Variants in NEBL observed in about 807,000 individuals in gnomAD.
NEBL encodes the protein LIM and SH3 protein 2.
NEBL carries 122 observed loss-of-function variants against 140.2 expected under a neutral mutation model. The observed-to-expected ratio is 0.87, with a 90% confidence interval of 0.75 to 1.01. NEBL has a LOEUF of 1.01. NEBL is among the 50% of genes least tolerant of loss of function. The pLI, the probability that NEBL is intolerant of heterozygous loss-of-function variation, is 0.00. For synonymous variants in NEBL, 436 were observed against 398.9 expected (o/e 1.09, Z -1.11); for missense variants, 1,365 against 1,231.3 (o/e 1.11, Z -1.62).
chr10:21,001,022 T>A (rs1421188964), intron 3 of NEBL, among the ~76,000 whole-genome samples: 1 of 152,104 alleles, frequency 6.6e-6, no homozygotes, highest in Non-Finnish European at 1.5e-5. Context: ...GCACACCCAA[T>A]CATCTGCAGT....
chr10:21,113,965 G>T (rs1838164488), intron 2 of NEBL, among the ~76,000 whole-genome samples: 1 of 151,702 alleles, frequency 6.6e-6, no homozygotes, highest in South Asian at 2.1e-4. Flanking sequence ...GCTTTAACTT[G>T]CTCTTCTTTT....
chr10:20,894,615 A>G (rs2131395597), intron 2 of NEBL, among the ~76,000 whole-genome samples: 1 of 152,246 alleles, frequency 6.6e-6, no homozygotes, highest in East Asian at 1.9e-4. Context: ...GTATACAGAT[A>G]TAAATTAAGC....
chr10:20,826,592 T>A, intron 17 of NEBL, 53 bp from the exon 18 acceptor site: 1 of 1,337,030 alleles, frequency 7.5e-7, no homozygotes. Context: ...ATTCAAGTCC[T>A]AGATCCGCTT....
At chr10:20,937,073 C>T (rs893547697) in intron 4 of NEBL, among the ~76,000 whole-genome samples, 1 of 152,214 alleles carries the variant, frequency 6.6e-6, no homozygotes, top group African/African-American at 2.4e-5. Flanking sequence ...CTGCCAAGTG[C>T]AGCCCAATGA....
chr10:21,259,910 C>A lies in NEBL; in HGVS notation n.183-8082G>T, dbSNP rs559333944. ...TGTTTGAGTGGCGGAGGAAGCATGT[C>A]ACCCTGAAGGCAGTTGGCAGCCACT... On this transcript the variant is annotated intron_variant and non_coding_transcript_variant, in intron 1 of 8. Transcript: ENST00000675702. Among the ~76,000 whole-genome samples, 6 of 152,302 alleles carry A rather than the reference C, an allele frequency of 3.9e-5. 1 individual carries two copies. The East Asian group carries it at 1.2e-3, about 29-fold the overall frequency.
At chr10:20,927,473 G>C (rs1345320929) in intron 4 of NEBL, among the ~76,000 whole-genome samples, 2 of 152,180 alleles carry the variant, frequency 1.3e-5, no homozygotes, top group Non-Finnish European at 2.9e-5. Context: ...AGAGTTGACT[G>C]TTAGCCTATG....
At position 21,112,599 on chromosome 10, in the gene NEBL, G is replaced by A. The variant is rs548265507; in HGVS notation, c.164+59784C>T. Among the ~76,000 whole-genome samples the A allele has an allele frequency of 2.5e-3, 348 of 139,462 alleles. 3 individuals carry two copies. The highest frequency in any genetic ancestry group is 7.0e-3 in the Middle Eastern group (2 of 284). The allele number at this position is 139,462 out of a possible 152,430, so 91.5% of individuals were successfully genotyped here. On this transcript the variant is annotated intron_variant, in intron 2 of 6. Coordinates refer to the NEBL transcript ENST00000417816. ...CACTGGGGCCTGTCGGGGGGTGGGG[G>A]ACTGGGGGAGGGATAGCATTAGGAA...
intron 13 of NEBL, among the ~76,000 whole-genome samples, chr10:20,839,726 C>A (rs978668073): frequency 1.3e-4 from 20 of 152,228 alleles, no homozygotes; most frequent in Admixed American, 2.6e-4. Context: ...TCTACTCCCC[C>A]AATCCCAGAC....
intron 4 of NEBL, among the ~76,000 whole-genome samples, chr10:20,944,666 G>T (rs1835069215): frequency 6.6e-6 from 1 of 152,198 alleles, no homozygotes; most frequent in African/African-American, 2.4e-5. Flanking sequence ...TTGTATCACA[G>T]TTGGAGCGTG....
At chr10:21,009,663 C>T (rs1250950382) in intron 3 of NEBL, among the ~76,000 whole-genome samples, 1 of 152,256 alleles carries the variant, frequency 6.6e-6, no homozygotes, top group African/African-American at 2.4e-5. Flanking sequence ...GAATACAATA[C>T]AATTGTCCCA....
chr10:21,125,990 G>A, intron 2 of NEBL: 1 of 1,614,180 alleles, frequency 6.2e-7, no homozygotes, highest in Non-Finnish European at 8.5e-7. Context: ...TGGATGGGCG[G>A]CTTGTAGAGA....
At chr10:21,093,727 T>G (rs1837031642) in intron 2 of NEBL, among the ~76,000 whole-genome samples, 1 of 152,230 alleles carries the variant, frequency 6.6e-6, no homozygotes, top group Admixed American at 6.5e-5. Context: ...TCTAAGCTCA[T>G]CCACTGGAAG....
intron 9 of NEBL, among the ~76,000 whole-genome samples, chr10:20,853,108 T>A (rs1842710096): frequency 6.6e-6 from 1 of 152,132 alleles, no homozygotes; most frequent in Non-Finnish European, 1.5e-5. Context: ...AAAAAAGTCC[T>A]ATACAAAAAG....
chr10:20,824,646 C>T (rs905520946), intron 18 of NEBL, among the ~76,000 whole-genome samples: 1 of 152,142 alleles, frequency 6.6e-6, no homozygotes, highest in East Asian at 1.9e-4. Context: ...ATGGCCCAAC[C>T]TCATGCAGAT....
At chr10:20,981,132 T>C (rs140216100) in intron 3 of NEBL, among the ~76,000 whole-genome samples, 68 of 152,260 alleles carry the variant, frequency 4.5e-4, no homozygotes, top group African/African-American at 1.6e-3. Flanking sequence ...AAAATTCCAC[T>C]TAAACACACA....
chr10:21,151,315 T>C (rs1454344707), intron 2 of NEBL, among the ~76,000 whole-genome samples: 6 of 152,162 alleles, frequency 3.9e-5, no homozygotes, highest in African/African-American at 1.4e-4. Flanking sequence ...TGGTGAAACT[T>C]CCAGGGGGTC....
intron 7 of NEBL, among the ~76,000 whole-genome samples, chr10:20,864,521 A>C (rs1207353131): frequency 6.6e-6 from 1 of 152,004 alleles, no homozygotes; most frequent in Admixed American, 6.6e-5. Context: ...CTGCCCATTC[A>C]CTCTCTGTTC....
Position 21,115,989 on chromosome 10 carries a change from A to C in NEBL, c.164+56394T>G, listed in dbSNP as rs1838267654. ...ATTTTAGATAATTGCTATATCTTCA[A>C]GTTTACTAATGGTTGCTGTTTATCC... On this transcript the variant is annotated intron_variant, in intron 2 of 6. Transcript: ENST00000417816. Among the ~76,000 whole-genome samples, 6 of 151,784 alleles carry C rather than the reference A, an allele frequency of 4.0e-5. No individual in the cohort carries two copies. In the South Asian group the frequency reaches 1.3e-3, roughly 32 times the overall value.
chr10:20,955,183 T>C (rs1434246592), intron 4 of NEBL, among the ~76,000 whole-genome samples: 2 of 152,166 alleles, frequency 1.3e-5, no homozygotes, highest in East Asian at 1.9e-4. Context: ...TAAAGCACCA[T>C]CTGGTGCATT....
Sources: allele counts gnomAD v4.1 joint callset (sites outside exome capture counted in the v4.1 genomes callset), GRCh38; gene constraint gnomAD v4.1.1; transcripts MANE v1.5; gene names NCBI Gene and HGNC (gene_info 2026-07-23, HGNC 2026-07-21).